DPYD: variants seen among roughly 807,000 people sequenced by gnomAD.
DPYD encodes dihydropyrimidine dehydrogenase.
DPYD carries 109 observed loss-of-function variants against 116.2 expected under a neutral mutation model. That is an observed-to-expected ratio of 0.94 (90% CI 0.80 to 1.10). The LOEUF (loss-of-function observed/expected upper bound fraction) is 1.10, where lower values mean the gene tolerates loss of function less well. DPYD is among the 50% of genes least tolerant of loss of function. DPYD has a pLI of 0.00. For missense variants in DPYD, 1,302 were observed against 1,254.5 expected, an observed-to-expected ratio of 1.04 and a Z score of -0.57; for synonymous variants, 440 against 432.0, an observed-to-expected ratio of 1.02 and a Z score of -0.23.
chr1:97,596,753 A>G (rs1016452314), intron 8 of DPYD, among the ~76,000 whole-genome samples: 11 of 152,242 alleles, frequency 7.2e-5, no homozygotes, highest in African/African-American at 2.4e-4. Context: ...GCCTGTAATC[A>G]GCAATAAACC....
chr1:97,530,287 A>G (rs898362273), intron 12 of DPYD, among the ~76,000 whole-genome samples: 3 of 135,194 alleles, frequency 2.2e-5, no homozygotes, highest in Non-Finnish European at 1.5e-5. Flanking sequence ...GCACAATCTC[A>G]GCTCACTGCA....
intron 3 of DPYD, among the ~76,000 whole-genome samples, chr1:97,773,654 T>G (rs1168868516): frequency 1.3e-5 from 2 of 152,046 alleles, no homozygotes; most frequent in Admixed American, 6.5e-5. Context: ...GTGTTTGCCA[T>G]CGATGGCAGA....
chr1:97,828,482 AAGT>A lies in DPYD; in HGVS notation c.151-289_151-287del, dbSNP rs1669361296. On this transcript the variant is annotated intron_variant, in intron 2 of 22. Transcript: ENST00000370192. ...ATAAACAGAAGAAATGAATTTATAA[AAGT>A]AGGAAAACTTCTTAAGTTTGGAGGA... 2.0e-5 allele frequency among the ~76,000 whole-genome samples: 3 copies of A among 152,194 alleles called. No individual in the cohort carries two copies. In the South Asian group the frequency reaches 6.2e-4, roughly 31 times the overall value.
intron 12 of DPYD, among the ~76,000 whole-genome samples, chr1:97,534,277 T>C (rs1299644473): frequency 6.6e-6 from 1 of 152,106 alleles, no homozygotes; most frequent in Non-Finnish European, 1.5e-5. Flanking sequence ...TGATCTAAAA[T>C]GAAATAAGGT....
At chr1:97,356,897 C>A (rs1417427868) in intron 16 of DPYD, among the ~76,000 whole-genome samples, 1 of 152,182 alleles carries the variant, frequency 6.6e-6, no homozygotes, top group Non-Finnish European at 1.5e-5. Context: ...TTTATGCCAA[C>A]ATCATGCTGT....
chr1:97,297,296 G>A (rs939051432), intron 18 of DPYD, among the ~76,000 whole-genome samples: 2 of 152,026 alleles, frequency 1.3e-5, no homozygotes, highest in Non-Finnish European at 2.9e-5. Flanking sequence ...TATAACCCTG[G>A]CAGTCTCCAC....
At chr1:97,206,681 TATATATAA>T (rs1659648434) in intron 19 of DPYD, among the ~76,000 whole-genome samples, 1 of 90,710 alleles carries the variant, frequency 1.1e-5, no homozygotes, top group Non-Finnish European at 2.2e-5. Flanking sequence ...TATATATATA[TATATATAA>T]TCTATATGCT....
rs72726682 is a variant in DPYD, at chr1:97,292,719, C to T, written c.2299+12540G>A. 7.0e-3 allele frequency among the ~76,000 whole-genome samples: 665 copies of T among 94,892 alleles called. 4 individuals are homozygous for T. Among genetic ancestry groups the T allele is most frequent in the Middle Eastern group, 0.018 (3 of 168 alleles). 62.3% of individuals were successfully genotyped at this position (94,892 alleles called of 152,430 possible). A position where few individuals can be genotyped will look rare whatever the true frequency, so the allele number is the denominator to read the frequency against. Reference sequence around the variant, plus strand: ...ATGCGTGCACGCGCGCGCACACGCGCGAGCACACACACACACACACACACA... The same window carrying T: ...ATGCGTGCACGCGCGCGCACACGCGTGAGCACACACACACACACACACACA... On this transcript the variant is annotated intron_variant, in intron 18 of 22. Coordinates refer to ENST00000370192, the MANE Select transcript of DPYD (RefSeq NM_000110.4).
intron 13 of DPYD, among the ~76,000 whole-genome samples, chr1:97,474,950 A>G (rs1570795173): frequency 6.6e-6 from 1 of 152,064 alleles, no homozygotes; most frequent in South Asian, 2.1e-4. Context: ...AAGTTGCTAG[A>G]AAAGTTAAGA....
At chr1:97,374,722 A>G (rs1671507413) in intron 15 of DPYD, among the ~76,000 whole-genome samples, 1 of 51,640 alleles carries the variant, frequency 1.9e-5, no homozygotes, top group African/African-American at 4.9e-5. Context: ...GTCTCAGAAA[A>G]AAAAAAAAAA....
At chr1:97,491,283 A>G (rs1678961898) in intron 13 of DPYD, among the ~76,000 whole-genome samples, 1 of 150,460 alleles carries the variant, frequency 6.6e-6, no homozygotes, top group Non-Finnish European at 1.5e-5. Flanking sequence ...TATATTGCAT[A>G]GATTTGTTGC....
intron 16 of DPYD, among the ~76,000 whole-genome samples, chr1:97,353,718 A>G (rs1184976659): frequency 6.6e-6 from 1 of 151,556 alleles, no homozygotes; most frequent in Admixed American, 6.6e-5. Context: ...AATAGAGACC[A>G]TACAAATCAT....
At chr1:97,759,444 G>A (rs1665453614) in intron 3 of DPYD, among the ~76,000 whole-genome samples, 1 of 152,046 alleles carries the variant, frequency 6.6e-6, no homozygotes, top group Non-Finnish European at 1.5e-5. Flanking sequence ...CCATATGGCT[G>A]CTTCTGACCT....
At chr1:97,587,148 A>G (rs1654183786) in intron 10 of DPYD, among the ~76,000 whole-genome samples, 1 of 152,232 alleles carries the variant, frequency 6.6e-6, no homozygotes, top group African/African-American at 2.4e-5. Context: ...ACAACTTTCC[A>G]AAAGATAAAT....
intron 2 of DPYD, among the ~76,000 whole-genome samples, chr1:97,874,470 A>G (rs1671807456): frequency 6.6e-6 from 1 of 151,910 alleles, no homozygotes; most frequent in Non-Finnish European, 1.5e-5. Flanking sequence ...AAATCAAGAT[A>G]CCATAAGCAA....
At chr1:97,845,036 G>C (rs1249312589) in intron 2 of DPYD, among the ~76,000 whole-genome samples, 1 of 152,212 alleles carries the variant, frequency 6.6e-6, no homozygotes, top group African/African-American at 2.4e-5. Context: ...AAAGCAGGGG[G>C]TGCTGAGGGG....
chr1:97,771,371 A>G (rs2101161951), intron 3 of DPYD, among the ~76,000 whole-genome samples: 1 of 152,340 alleles, frequency 6.6e-6, no homozygotes, highest in Middle Eastern at 3.4e-3. Flanking sequence ...TCACATTTCT[A>G]GTAAAAAATA....
intron 10 of DPYD, among the ~76,000 whole-genome samples, chr1:97,588,902 C>A (rs565238528): frequency 6.6e-6 from 1 of 152,270 alleles, no homozygotes; most frequent in Non-Finnish European, 1.5e-5. Context: ...AGTACCTCCA[C>A]ACAGCACACT....
intron 14 of DPYD, among the ~76,000 whole-genome samples, chr1:97,430,794 C>T (rs1379095784): frequency 6.6e-6 from 1 of 152,046 alleles, no homozygotes; most frequent in Non-Finnish European, 1.5e-5. Flanking sequence ...ATTATCCTTC[C>T]CCAACATCTG....
Sources: gnomAD v4.1 joint callset for allele counts (sites outside exome capture counted in the v4.1 genomes callset) on GRCh38, gnomAD v4.1.1 for gene constraint, MANE v1.5 for transcripts, NCBI Gene and HGNC (gene_info 2026-07-23, HGNC 2026-07-21) for gene names.